Variants in FGD6 observed in about 807,000 individuals in gnomAD.
FGD6 encodes FYVE, RhoGEF and PH domain containing 6.
In FGD6, 90 loss-of-function variants were observed where a neutral mutation model predicts 149.4. That is an observed-to-expected ratio of 0.60 (90% confidence interval 0.51 to 0.72). FGD6 has a LOEUF of 0.72. FGD6 is among the 30% of genes least tolerant of loss of function. FGD6 has a pLI of 0.00. For missense variants in FGD6, 1,437 were observed against 1,684.8 expected, an observed-to-expected ratio of 0.85 and a Z score of 2.57; for synonymous variants, 527 against 584.0, an observed-to-expected ratio of 0.90 and a Z score of 1.41.
chr12:95,213,990 T>C (rs1327380691), intron 1 of FGD6, among the ~76,000 whole-genome samples: 3 of 152,058 alleles, frequency 2.0e-5, no homozygotes, highest in African/African-American at 7.3e-5. Context: ...AATGGGGGAG[T>C]TGAACAGGCC....
At chr12:95,175,799 C>CAAAAAAAAAAA (rs61051041) in intron 2 of FGD6, among the ~76,000 whole-genome samples, 5 of 38,906 alleles carry the variant, frequency 1.3e-4, no homozygotes, top group Middle Eastern at 0.014. Flanking sequence ...GACTCTGTCT[C>CAAAAAAAAAAA]AAAAAAAAAA....
At chr12:95,109,680 A>G (rs1878750839) in intron 9 of FGD6, among the ~76,000 whole-genome samples, 1 of 152,146 alleles carries the variant, frequency 6.6e-6, no homozygotes. Context: ...CTCAGCAATA[A>G]GGTAAAACCT....
At chr12:95,094,230 T>C (rs181797184) in intron 15 of FGD6, among the ~76,000 whole-genome samples, 111 of 151,930 alleles carry the variant, frequency 7.3e-4, no homozygotes, top group African/African-American at 2.6e-3. Flanking sequence ...GAATACTAAG[T>C]TTAGCTACAA....
chr12:95,159,010 G>A (rs968792953), intron 3 of FGD6, among the ~76,000 whole-genome samples: 7 of 152,086 alleles, frequency 4.6e-5, no homozygotes, highest in Non-Finnish European at 8.8e-5. Context: ...GGTCAAGAGC[G>A]GATCTTATCA....
At chr12:95,156,506 G>A (rs1000099634) in intron 3 of FGD6, among the ~76,000 whole-genome samples, 2 of 152,172 alleles carry the variant, frequency 1.3e-5, no homozygotes, top group Non-Finnish European at 2.9e-5. Flanking sequence ...CCTGTCTCCT[G>A]ATAAGATGTT....
rs558982404 is a variant in FGD6, at chr12:95,186,011, C to T, written c.2442-13267G>A. ...AAAGGGGACAACATCATAGTTCATC[C>T]AGTAAGCAGAATGGCAAGAGGAACT... On this transcript the variant is annotated intron_variant, in intron 2 of 20. Coordinates refer to ENST00000343958, the MANE Select transcript of FGD6 (RefSeq NM_018351.4). Among the ~76,000 whole-genome samples the T allele has an allele frequency of 9.2e-5, 14 of 152,006 alleles. No homozygotes were observed. In the South Asian group the frequency reaches 2.9e-3, roughly 32 times the overall value.
At chr12:95,144,355 A>G (rs563414686) in intron 5 of FGD6, among the ~76,000 whole-genome samples, 1 of 152,330 alleles carries the variant, frequency 6.6e-6, no homozygotes, top group African/African-American at 2.4e-5. Flanking sequence ...AATAAAGGCT[A>G]TAAGAATTTT....
chr12:95,089,425 C>CA, intron 18 of FGD6, 144 bp downstream of exon 18: 3 of 1,044,312 alleles, frequency 2.9e-6, no homozygotes, highest in Non-Finnish European at 4.0e-6. Context: ...TGTGAGGCAT[C>CA]AGCCACATCC....
chr12:95,085,549 C>T (rs1877837812), intron 19 of FGD6: 1 of 518,790 alleles, frequency 1.9e-6, no homozygotes, highest in East Asian at 3.1e-5. Flanking sequence ...ACGACACACA[C>T]AAAAATTGCA....
chr12:95,196,288 T>C (rs1053086374), intron 2 of FGD6, among the ~76,000 whole-genome samples: 3 of 152,234 alleles, frequency 2.0e-5, no homozygotes, highest in Admixed American at 6.5e-5. Flanking sequence ...TATTATTTAT[T>C]TATTTAGAAA....
intron 2 of FGD6, among the ~76,000 whole-genome samples, chr12:95,184,894 G>A (rs1182709080): frequency 2.9e-5 from 4 of 137,340 alleles, no homozygotes; most frequent in African/African-American, 1.1e-4. Flanking sequence ...TTTTTTTTGA[G>A]ACGGAGTCTC....
intron 1 of FGD6, among the ~76,000 whole-genome samples, chr12:95,216,880 C>T (rs1213074021): frequency 6.6e-6 from 1 of 152,164 alleles, no homozygotes; most frequent in Non-Finnish European, 1.5e-5. Context: ...GATCTATTAA[C>T]TTGGGAATCT....
rs77818560 is a variant in FGD6, at chr12:95,088,623, T to C, written c.3978+946A>G. ...TGAAAACATATGTCCACACAGAAAT[T>C]TGCACATGAATATTTCTGTCAGCAT... On this transcript the variant is annotated intron_variant, in intron 18 of 20. Transcript: ENST00000343958. Among the ~76,000 whole-genome samples the C allele has an allele frequency of 6.4e-3, 981 of 152,274 alleles. 12 individuals are homozygous for C. Among genetic ancestry groups the C allele is most frequent in the African/African-American group, 0.022 (926 of 41,556 alleles).
At chr12:95,133,690 G>A (rs7975727) in intron 8 of FGD6, among the ~76,000 whole-genome samples, 134,498 of 152,200 alleles carry the variant, frequency 0.88, 59,816 homozygotes, top group East Asian at 0.97. Flanking sequence ...ATTTTAATGC[G>A]TATTATATAT....
intron 8 of FGD6, among the ~76,000 whole-genome samples, chr12:95,131,437 T>A (rs1344317731): frequency 2.0e-5 from 3 of 152,116 alleles, no homozygotes; most frequent in Non-Finnish European, 4.4e-5. Context: ...TTAAAACCAA[T>A]CTAAATTACT....
At chr12:95,207,776 C>G (rs1164595671) in intron 2 of FGD6, among the ~76,000 whole-genome samples, 3 of 152,048 alleles carry the variant, frequency 2.0e-5, no homozygotes, top group Non-Finnish European at 4.4e-5. Context: ...ATTAAGACAG[C>G]CTGAGATGAA....
chr12:95,098,342 G>A (rs972834086), intron 14 of FGD6, among the ~76,000 whole-genome samples: 2 of 152,100 alleles, frequency 1.3e-5, no homozygotes, highest in Non-Finnish European at 2.9e-5. Flanking sequence ...CAGATTCCAT[G>A]CAGCAGCCGG....
In FGD6 at chr12:95,208,896, C is replaced by A. The variant is rs2306884; in HGVS notation, c.2388G>T (p.Pro796=). Residue 796 remains proline (P), a synonymous_variant, in exon 2 of 21, where the codon CCG becomes CCT. Transcript: ENST00000343958. The part of the protein sequence containing the change: ...ADANVYEVEE[P]YEAPDGQLQL... ...GCAGCTGGCCATCTGGAGCTTCATA[C>A]GGCTCTTCTACCTCATACACATTTG... The A allele has an allele frequency of 6.2e-7, 1 of 1,613,778 alleles. No individual in the cohort carries two copies. Among genetic ancestry groups the A allele is most frequent in the Non-Finnish European group, 8.5e-7 (1 of 1,179,946 alleles).
At chr12:95,148,713 GCATATGTTATATTACATATATTATATA>G (rs1201733791) in intron 5 of FGD6, among the ~76,000 whole-genome samples, 60 of 95,086 alleles carry the variant, frequency 6.3e-4, no homozygotes, top group African/African-American at 2.6e-3. Context: ...ATAATACATA[GCATATGTTATATTACATATATTATATA>G]TTATATAATA....
Sources: gnomAD v4.1 joint callset for allele counts (sites outside exome capture counted in the v4.1 genomes callset) on GRCh38, gnomAD v4.1.1 for gene constraint, MANE v1.5 for transcripts, NCBI Gene and HGNC (gene_info 2026-07-23, HGNC 2026-07-21) for gene names.